Variants in KCNAB1 observed in about 807,000 individuals in gnomAD.
The protein encoded by KCNAB1 is voltage-gated potassium channel subunit beta-1.
KCNAB1 carries 35 observed loss-of-function variants against 64.6 expected under a neutral mutation model. That is an observed-to-expected ratio of 0.54 (90% CI 0.41 to 0.72). The LOEUF (loss-of-function observed/expected upper bound fraction) is 0.72, where lower values mean the gene tolerates loss of function less well. Among genes scored for constraint, KCNAB1 ranks in the 30% least tolerant of loss-of-function variants. The pLI is 0.00. For missense variants in KCNAB1, 401 were observed against 512.9 expected (o/e 0.78, Z 2.11); for synonymous variants, 177 against 183.8 (o/e 0.96, Z 0.30).
intron 1 of KCNAB1, among the ~76,000 whole-genome samples, chr3:156,184,146 CT>C (rs2108351013): frequency 6.6e-6 from 1 of 152,168 alleles, no homozygotes; most frequent in South Asian, 2.1e-4. Context: ...TTTTTTGTCC[CT>C]CATAGGATCC....
intron 1 of KCNAB1, among the ~76,000 whole-genome samples, chr3:156,299,497 A>G (rs1200408275): frequency 6.6e-6 from 1 of 151,010 alleles, no homozygotes; most frequent in East Asian, 1.9e-4. Flanking sequence ...GATCTACAAA[A>G]CCATAGGCAT....
intron 1 of KCNAB1, among the ~76,000 whole-genome samples, chr3:156,332,023 G>A (rs1723371416): frequency 6.6e-6 from 1 of 152,108 alleles, no homozygotes; most frequent in Non-Finnish European, 1.5e-5. Context: ...GGACTTCCCT[G>A]CAGCCTTCCT....
chr3:156,459,517 A>G (rs557233245), intron 4 of KCNAB1, among the ~76,000 whole-genome samples: 1 of 152,238 alleles, frequency 6.6e-6, no homozygotes, highest in Non-Finnish European at 1.5e-5. Flanking sequence ...ACCAAGCTGG[A>G]CATTTATATA....
intron 8 of KCNAB1, among the ~76,000 whole-genome samples, chr3:156,514,141 C>T (rs568409894): frequency 1.4e-4 from 21 of 152,312 alleles, no homozygotes; most frequent in African/African-American, 5.1e-4. Context: ...AGTGTTGTTG[C>T]TGCAAATGGA....
chr3:156,306,168 C>T (rs966093534), intron 1 of KCNAB1, among the ~76,000 whole-genome samples: 8 of 152,134 alleles, frequency 5.3e-5, no homozygotes, highest in African/African-American at 1.9e-4. Context: ...GTAACTATTC[C>T]AAAACTCTTA....
chr3:156,268,122 T>G (rs184295719), intron 1 of KCNAB1, among the ~76,000 whole-genome samples: 4 of 151,816 alleles, frequency 2.6e-5, no homozygotes, highest in African/African-American at 9.7e-5. Context: ...CACAAATAAA[T>G]GAGAACATGC....
intron 1 of KCNAB1, among the ~76,000 whole-genome samples, chr3:156,203,134 C>G (rs1208556754): frequency 6.6e-6 from 1 of 152,188 alleles, no homozygotes; most frequent in Non-Finnish European, 1.5e-5. Context: ...TTATTCCCAT[C>G]ATTTGCTTTT....
intron 1 of KCNAB1, among the ~76,000 whole-genome samples, chr3:156,240,046 A>T (rs1246387948): frequency 6.6e-6 from 1 of 152,218 alleles, no homozygotes; most frequent in Non-Finnish European, 1.5e-5. Flanking sequence ...TTTACAACTT[A>T]AGTGACTAAT....
At chr3:156,222,504 G>A (rs540558074) in intron 1 of KCNAB1, among the ~76,000 whole-genome samples, 1 of 152,274 alleles carries the variant, frequency 6.6e-6, no homozygotes, top group African/African-American at 2.4e-5. Flanking sequence ...TCCACTGACA[G>A]CACTAGACAG....
At chr3:156,509,818 G>A (rs1189628378) in intron 8 of KCNAB1, among the ~76,000 whole-genome samples, 1 of 152,180 alleles carries the variant, frequency 6.6e-6, no homozygotes, top group Non-Finnish European at 1.5e-5. Flanking sequence ...CTGCCTAGGA[G>A]GCTTTTAAAA....
intron 1 of KCNAB1, among the ~76,000 whole-genome samples, chr3:156,231,493 CCCCTCCCT>C (rs1378238636): frequency 5.1e-5 from 6 of 117,330 alleles, no homozygotes; most frequent in African/African-American, 2.1e-4. Flanking sequence ...CCCCTCCCCT[CCCCTCCCT>C]CCCTCCCTCC....
At chr3:156,333,878 C>T (rs142154272) in intron 1 of KCNAB1, among the ~76,000 whole-genome samples, 2,147 of 152,082 alleles carry the variant, frequency 0.014, 21 homozygotes, top group South Asian at 0.031. Flanking sequence ...CTTTTTTTCT[C>T]TCTTTCTGTG....
chr3:156,296,862 C>T (rs1392419671), intron 1 of KCNAB1, among the ~76,000 whole-genome samples: 1 of 152,128 alleles, frequency 6.6e-6, no homozygotes. Flanking sequence ...AAAAGAAGTA[C>T]AGGGAATTTC....
chr3:156,166,702 G>T (rs552604655), intron 1 of KCNAB1, among the ~76,000 whole-genome samples: 26 of 152,226 alleles, frequency 1.7e-4, no homozygotes, highest in African/African-American at 6.0e-4. Flanking sequence ...TGCTTTTGTG[G>T]TAATTGCACT....
chr3:156,412,130 G>A (rs1430813104), intron 1 of KCNAB1, among the ~76,000 whole-genome samples: 2 of 152,034 alleles, frequency 1.3e-5, no homozygotes, highest in African/African-American at 4.8e-5. Context: ...ACTTCATTTT[G>A]AGGGTGCTAT....
intron 1 of KCNAB1, among the ~76,000 whole-genome samples, chr3:156,232,142 T>C (rs1159850791): frequency 1.3e-5 from 2 of 152,212 alleles, no homozygotes; most frequent in African/African-American, 4.8e-5. Flanking sequence ...ATAATATTAC[T>C]TAGAAAGTAA....
At chr3:156,208,107 A>G (rs1397552427) in intron 1 of KCNAB1, among the ~76,000 whole-genome samples, 2 of 152,134 alleles carry the variant, frequency 1.3e-5, no homozygotes, top group Admixed American at 1.3e-4. Flanking sequence ...CAGAACTACC[A>G]GATTCCTAAG....
rs1383937722 is a variant in KCNAB1, at chr3:156,508,927, A to G, written c.659-5437A>G. Among the ~76,000 whole-genome samples the G allele has an allele frequency of 6.6e-6, 1 of 152,226 alleles. No homozygotes were observed. Among genetic ancestry groups the G allele is most frequent in the African/African-American group, 2.4e-5 (1 of 41,450 alleles). Reference sequence around the variant, plus strand: ...AGGGAGGACTTAACAAAGTCTTTCAATAGTTTAGTCAGTTTTTCTAAAAGT... The same window carrying G: ...AGGGAGGACTTAACAAAGTCTTTCAGTAGTTTAGTCAGTTTTTCTAAAAGT... On this transcript the variant is annotated intron_variant, in intron 8 of 13. Coordinates refer to ENST00000490337, the MANE Select transcript of KCNAB1 (RefSeq NM_172160.3). The surrounding 1 kb of genome is among the most constrained non-coding windows in gnomAD (Gnocchi z 4.1).
At chr3:156,341,324 C>A (rs1724099733) in intron 1 of KCNAB1, among the ~76,000 whole-genome samples, 1 of 152,188 alleles carries the variant, frequency 6.6e-6, no homozygotes, top group African/African-American at 2.4e-5. Flanking sequence ...GAGTTAAGTT[C>A]TTCTGAGGCA....
Sources: gnomAD v4.1 joint callset for allele counts (sites outside exome capture counted in the v4.1 genomes callset) on GRCh38, gnomAD v4.1.1 for gene constraint, Gnocchi (gnomAD v3.1) non-coding constraint, MANE v1.5 for transcripts, NCBI Gene and HGNC (gene_info 2026-07-23, HGNC 2026-07-21) for gene names.